The following CACNA1E variants were observed in gnomAD, a reference collection of about 807,000 sequenced individuals.
CACNA1E encodes calcium voltage-gated channel subunit alpha1 E.
CACNA1E carries 40 observed loss-of-function variants against 259.2 expected under a neutral mutation model. The ratio of observed to expected loss-of-function variants is 0.15; its 90% confidence interval spans 0.12 to 0.20. The LOEUF (loss-of-function observed/expected upper bound fraction) is 0.20, where lower values mean the gene tolerates loss of function less well. CACNA1E is among the 10% of genes least tolerant of loss of function. CACNA1E has a pLI of 1.00. For missense variants in CACNA1E, 1,874 were observed against 3,040.1 expected (o/e 0.62, Z 9.02); for synonymous variants, 1,104 against 1,138.5 (o/e 0.97, Z 0.61).
At chr1:181,695,818 G>T (rs1010467426) in intron 7 of CACNA1E, among the ~76,000 whole-genome samples, 11 of 152,132 alleles carry the variant, frequency 7.2e-5, no homozygotes, top group African/African-American at 2.7e-4. Context: ...ACCCAGGTGT[G>T]GTGGTGTCTG....
At chr1:181,726,653 A>T (rs1303093861) in intron 18 of CACNA1E, among the ~76,000 whole-genome samples, 1 of 152,240 alleles carries the variant, frequency 6.6e-6, no homozygotes, top group African/African-American at 2.4e-5. Context: ...GGAAGAGTTT[A>T]GCTTTTATTC....
rs141648449 is a variant in CACNA1E at position 181,569,424 on chromosome 1, TTCC to T, written c.513-8340_513-8338del. On this transcript the variant is annotated intron_variant, in intron 3 of 47. Coordinates refer to ENST00000367573, the MANE Select transcript of CACNA1E (RefSeq NM_001205293.3). ...CCTCGTCCTCTTCCCTCAGATATAT[TTCC>T]TTGGTCAAGTTGATTTTCTTTGGCT... Among the ~76,000 whole-genome samples, 816 of 152,330 alleles carry T rather than the reference TTCC, an allele frequency of 5.4e-3. 12 individuals are homozygous for T. Among genetic ancestry groups the T allele is most frequent in the African/African-American group, 0.014 (601 of 41,574 alleles).
chr1:181,499,281 A>G (rs78673927), intron 1 of CACNA1E, among the ~76,000 whole-genome samples: 4,928 of 152,306 alleles, frequency 0.032, 126 homozygotes, highest in Non-Finnish European at 0.053. Context: ...CTTTGAGAAC[A>G]ATTGAGTACT....
At chr1:181,382,245 G>A (rs948965324) in intron 1 of CACNA1E, among the ~76,000 whole-genome samples, 2 of 152,206 alleles carry the variant, frequency 1.3e-5, no homozygotes, top group African/African-American at 4.8e-5. Context: ...TCTCAGAACA[G>A]TTCAGGAGGG....
At chr1:181,721,736 G>C in intron 15 of CACNA1E, 22 bp from the exon 16 acceptor site, 1 of 1,504,976 alleles carries the variant, frequency 6.6e-7, no homozygotes. Context: ...TTTCTGATGC[G>C]CCTGTCATTT....
chr1:181,598,709 G>T (rs1653444049), intron 6 of CACNA1E, among the ~76,000 whole-genome samples: 1 of 152,094 alleles, frequency 6.6e-6, no homozygotes, highest in Non-Finnish European at 1.5e-5. Context: ...GTGCCCCCAG[G>T]GCTCAAATGT....
At chr1:181,511,345 G>A (rs1558071858) in intron 2 of CACNA1E, 26 bp from the exon 3 acceptor site, 1 of 1,613,280 alleles carries the variant, frequency 6.2e-7, no homozygotes, top group South Asian at 1.1e-5. Context: ...TCTTCTCACT[G>A]GTGCTTCTGC....
intron 6 of CACNA1E, among the ~76,000 whole-genome samples, chr1:181,625,454 A>G (rs142440589): frequency 6.6e-6 from 1 of 152,178 alleles, no homozygotes; most frequent in East Asian, 1.9e-4. Context: ...ATCTTCTGGA[A>G]ACCTTGCTGT....
At position 181,802,940 on chromosome 1, in the gene CACNA1E, T is replaced by C. The variant is rs1473986068; in HGVS notation, c.*4106T>C. On this transcript the variant is annotated 3_prime_UTR_variant, in exon 48 of 48. Coordinates refer to ENST00000367573, the MANE Select transcript of CACNA1E (RefSeq NM_001205293.3). ...ATAAGATATAAATATTATGAGGTTGTATGTAAAGAAAGGGCAAACGTACAG... is the reference window on the plus strand; with the variant it reads ...ATAAGATATAAATATTATGAGGTTGCATGTAAAGAAAGGGCAAACGTACAG... 6.6e-6 allele frequency: 1 copy of C among 152,166 alleles called. No homozygotes were observed. The highest frequency in any genetic ancestry group is 2.4e-5 in the African/African-American group (1 of 41,454). 9.4% of individuals were successfully genotyped at this position (152,166 alleles called of 1,614,324 possible). A position where few individuals can be genotyped will look rare whatever the true frequency, so the allele number is the denominator to read the frequency against.
intron 1 of CACNA1E, among the ~76,000 whole-genome samples, chr1:181,363,742 T>C (rs116993973): frequency 6.6e-6 from 1 of 152,270 alleles, no homozygotes; most frequent in East Asian, 1.9e-4. Context: ...TGCATGATGA[T>C]GTGGGAAGTT....
intron 25 of CACNA1E, among the ~76,000 whole-genome samples, chr1:181,745,775 G>A (rs1558338050): frequency 6.6e-6 from 1 of 152,154 alleles, no homozygotes; most frequent in Admixed American, 6.5e-5. Context: ...AGCAGATGAG[G>A]TGTCTTTGGG....
Position 181,745,619 on chromosome 1 carries a change from G to C in CACNA1E, c.3720-4857G>C, listed in dbSNP as rs76365162. ...CTTGAGTCGGAAGACTTCATAATGG[G>C]ACTTGGGGACCATCAACACAGATCA... is the stretch of plus-strand genomic sequence containing the variant. On this transcript the variant is annotated intron_variant, in intron 25 of 47. Coordinates refer to ENST00000367573, the MANE Select transcript of CACNA1E (RefSeq NM_001205293.3). Among the ~76,000 whole-genome samples the C allele has an allele frequency of 8.0e-3, 1,215 of 152,192 alleles. 16 individuals carry two copies. Among genetic ancestry groups the C allele is most frequent in the African/African-American group, 0.027 (1,110 of 41,512 alleles).
At chr1:181,530,817 G>T (rs1052250400) in intron 3 of CACNA1E, among the ~76,000 whole-genome samples, 1 of 152,180 alleles carries the variant, frequency 6.6e-6, no homozygotes, top group Non-Finnish European at 1.5e-5. Context: ...ATTAAAATTT[G>T]ATGGTGTTCC....
At chr1:181,597,850 T>C (rs933833611) in intron 6 of CACNA1E, among the ~76,000 whole-genome samples, 8 of 152,164 alleles carry the variant, frequency 5.3e-5, no homozygotes, top group African/African-American at 1.2e-4. Flanking sequence ...AATCAGATCT[T>C]GTGAGACTCA....
chr1:181,785,734 C>A lies in CACNA1E; in HGVS notation c.5701C>A (p.Arg1901Ser). 1.9e-6 allele frequency: 3 copies of A among 1,612,658 alleles called. No individual in the cohort carries two copies. Among genetic ancestry groups the A allele is most frequent in the Non-Finnish European group, 2.5e-6 (3 of 1,179,064 alleles). The change falls in exon 43 of 48, where the codon CGC becomes AGC. Residue 1901 changes from arginine (R) to serine (S), a missense_variant. This residue lies in a region of CACNA1E where 542 missense variants were observed against 587.2 expected (regional missense o/e 0.92). Coordinates refer to ENST00000367573, the MANE Select transcript of CACNA1E (RefSeq NM_001205293.3). ...EEQKNAPMFQ[R>S]MEPSSLPQEI... Reference sequence around the variant, plus strand: ...CCAGAAAAATGCCCCCATGTTCCAGCGCATGGAGCCTTCATCTCTGCCTCA... The same window carrying A: ...CCAGAAAAATGCCCCCATGTTCCAGAGCATGGAGCCTTCATCTCTGCCTCA...
intron 7 of CACNA1E, among the ~76,000 whole-genome samples, chr1:181,705,376 T>C (rs888056067): frequency 6.6e-6 from 1 of 152,258 alleles, no homozygotes; most frequent in African/African-American, 2.4e-5. Context: ...ATATTTCTCA[T>C]GTAAACTGCT....
chr1:181,491,732 C>T (rs1351985890), intron 1 of CACNA1E, among the ~76,000 whole-genome samples: 1 of 152,208 alleles, frequency 6.6e-6, no homozygotes, highest in Non-Finnish European at 1.5e-5. Context: ...GTTAGTTTAT[C>T]TTGTTCTTTC....
chr1:181,606,500 C>A (rs938690067), intron 6 of CACNA1E, among the ~76,000 whole-genome samples: 3 of 152,252 alleles, frequency 2.0e-5, no homozygotes, highest in African/African-American at 7.2e-5. Flanking sequence ...TGGCCACCAT[C>A]TTCTTTGCCC....
chr1:181,683,135 T>TAA (rs1650156943), intron 7 of CACNA1E, among the ~76,000 whole-genome samples: 1 of 152,254 alleles, frequency 6.6e-6, no homozygotes, highest in African/African-American at 2.4e-5. Context: ...CCTTGGTAGA[T>TAA]AAGATTGACT....
Sources: gnomAD v4.1 joint callset for allele counts (sites outside exome capture counted in the v4.1 genomes callset) on GRCh38, gnomAD v4.1.1 for gene constraint, gnomAD v4.1.1 regional missense constraint, MANE v1.5 for transcripts, NCBI Gene and HGNC (gene_info 2026-07-23, HGNC 2026-07-21) for gene names.